Variants in GRAMD1B observed in about 807,000 individuals in gnomAD.
GRAMD1B encodes GRAM domain containing 1B.
In GRAMD1B, 37 loss-of-function variants were observed where a neutral mutation model predicts 99.7. The ratio of observed to expected loss-of-function variants is 0.37; its 90% CI spans 0.29 to 0.49. The LOEUF (loss-of-function observed/expected upper bound fraction) is 0.49, where lower values mean the gene tolerates loss of function less well. Among genes scored for constraint, GRAMD1B ranks in the 20% least tolerant of loss-of-function variants. The pLI is 0.98. For missense variants in GRAMD1B, 888 were observed against 1,009.2 expected (o/e 0.88, Z 1.63); for synonymous variants, 427 against 387.6 (o/e 1.10, Z -1.19).
At chr11:123,590,910 G>C (rs77143412) in intron 4 of GRAMD1B, among the ~76,000 whole-genome samples, 1 of 152,188 alleles carries the variant, frequency 6.6e-6, no homozygotes, top group Non-Finnish European at 1.5e-5. Context: ...GACTGGCGGG[G>C]TTAGACCCTG....
chr11:123,421,921 A>T (rs369698489), intron 1 of GRAMD1B, among the ~76,000 whole-genome samples: 2 of 152,376 alleles, frequency 1.3e-5, no homozygotes, highest in South Asian at 4.1e-4. Flanking sequence ...TTTGAATTAT[A>T]TGAAGGATCA....
intron 1 of GRAMD1B, among the ~76,000 whole-genome samples, chr11:123,463,011 T>C (rs995489272): frequency 2.6e-5 from 4 of 151,866 alleles, no homozygotes; most frequent in Non-Finnish European, 4.4e-5. Flanking sequence ...TTTATTTATA[T>C]TTATTTATTT....
At chr11:123,614,610 G>A (rs370000700) in intron 16 of GRAMD1B, 135 bp from the exon 17 acceptor site, 46 of 578,526 alleles carry the variant, frequency 8.0e-5, no homozygotes, top group South Asian at 2.1e-4. Context: ...GGCAGTCTCC[G>A]CATATCGTTG....
At chr11:123,488,563 C>G (rs1021156879) in intron 2 of GRAMD1B, among the ~76,000 whole-genome samples, 25 of 152,184 alleles carry the variant, frequency 1.6e-4, no homozygotes, top group Admixed American at 5.9e-4. Context: ...CATCAGGCAT[C>G]AAGAACAAGG....
intron 2 of GRAMD1B, among the ~76,000 whole-genome samples, chr11:123,500,583 CAG>C (rs983454076): frequency 6.6e-6 from 1 of 152,100 alleles, no homozygotes; most frequent in African/African-American, 2.4e-5. Flanking sequence ...CAAGAAAATG[CAG>C]AGTGTCTGTG....
In GRAMD1B at chr11:123,614,609, C is replaced by T. The variant is rs992787350; in HGVS notation, c.2228-136C>T. 112 of 582,484 alleles carry T rather than the reference C, an allele frequency of 1.9e-4. 1 individual carries two copies. The highest frequency in any genetic ancestry group is 2.1e-4 in the South Asian group (9 of 43,272). 36.1% of individuals were successfully genotyped at this position (582,484 alleles called of 1,614,324 possible). On this transcript the variant is annotated intron_variant, in intron 16 of 19. Coordinates refer to ENST00000635736, the MANE Select transcript of GRAMD1B (RefSeq NM_001387025.1). ...CTCCTCTTGGAGAGCTGGCAGTCTC[C>T]GCATATCGTTGCTGTCACAGTGTCA... is the stretch of plus-strand genomic sequence containing the variant.
At chr11:123,494,500 C>T (rs1203659525) in intron 2 of GRAMD1B, among the ~76,000 whole-genome samples, 2 of 151,346 alleles carry the variant, frequency 1.3e-5, no homozygotes, top group Non-Finnish European at 2.9e-5. Context: ...TCCTGTCTTG[C>T]TCCTGCTTCC....
intron 8 of GRAMD1B, among the ~76,000 whole-genome samples, chr11:123,601,304 AG>A (rs1222819660): frequency 2.0e-5 from 3 of 152,086 alleles, no homozygotes; most frequent in African/African-American, 7.2e-5. Context: ...GAAGAGACAC[AG>A]ATGAAGCCAC....
At chr11:123,368,249 A>C (rs1241208161) in intron 1 of GRAMD1B, among the ~76,000 whole-genome samples, 1 of 138,462 alleles carries the variant, frequency 7.2e-6, no homozygotes, top group Non-Finnish European at 1.5e-5. Flanking sequence ...GCGAAACTAC[A>C]TCTTAAAACA....
Position 123,492,858 on chromosome 11 carries a change from T to TCACACA in GRAMD1B, c.452+11966_452+11971dup, listed in dbSNP as rs763283753. On this transcript the variant is annotated intron_variant, in intron 2 of 19. Coordinates refer to ENST00000635736, the MANE Select transcript of GRAMD1B (RefSeq NM_001387025.1). The surrounding 1 kb of genome is among the most constrained non-coding windows in gnomAD (Gnocchi z 4.2). ...CTCTCTCTCTCTCTGTCTCTCTCTT[T>TCACACA]CACACATACACACACACACACACAC... Among the ~76,000 whole-genome samples the TCACACA allele has an allele frequency of 0.16, 20,657 of 131,578 alleles. 1,536 individuals are homozygous for TCACACA. Among genetic ancestry groups the TCACACA allele is most frequent in the Middle Eastern group, 0.19 (48 of 258 alleles). 86.3% of individuals were successfully genotyped at this position (131,578 alleles called of 152,430 possible).
intron 2 of GRAMD1B, among the ~76,000 whole-genome samples, chr11:123,527,881 CA>C (rs1295070336): frequency 6.6e-6 from 1 of 152,182 alleles, no homozygotes; most frequent in East Asian, 1.9e-4. Context: ...CAGGGATGTG[CA>C]GAGATGTTTG....
intron 2 of GRAMD1B, among the ~76,000 whole-genome samples, chr11:123,495,358 A>G (rs1939121930): frequency 6.6e-6 from 1 of 152,220 alleles, no homozygotes; most frequent in Non-Finnish European, 1.5e-5. Context: ...GGGATGTAAT[A>G]GTCACAGCAT....
chr11:123,597,852 G>C (rs1268427014), intron 7 of GRAMD1B: 1 of 720,922 alleles, frequency 1.4e-6, no homozygotes, highest in East Asian at 2.5e-5. Context: ...AGTAGCAAAA[G>C]GTCTTTAAGA....
At position 123,608,711 on chromosome 11, in the gene GRAMD1B, A is replaced by G; in HGVS notation, c.1566A>G (p.Glu522=). Residue 522 remains glutamate (E), a synonymous_variant, in exon 12 of 20, where the codon GAA becomes GAG. Transcript: ENST00000635736. The part of the protein sequence containing the change: ...EDLSGRQYVN[E]VFNFSVDKLY... ...TGAGTGGCCGGCAGTACGTGAATGA[A>G]GTCTTCAACTTCAGCGTGGACAAGC... is the stretch of plus-strand genomic sequence containing the variant. The G allele has an allele frequency of 6.4e-7, 1 of 1,562,016 alleles. No homozygotes were observed. Among genetic ancestry groups the G allele is most frequent in the Non-Finnish European group, 8.7e-7 (1 of 1,152,118 alleles).
chr11:123,464,761 T>A (rs896876250), intron 1 of GRAMD1B, among the ~76,000 whole-genome samples: 1 of 152,152 alleles, frequency 6.6e-6, no homozygotes, highest in East Asian at 1.9e-4. Flanking sequence ...AGAGGATGGA[T>A]ATAAAAGATG....
intron 1 of GRAMD1B, among the ~76,000 whole-genome samples, chr11:123,395,026 T>G (rs1304628866): frequency 1.3e-5 from 2 of 152,226 alleles, no homozygotes; most frequent in Admixed American, 1.3e-4. Flanking sequence ...AATACTGTTA[T>G]GATTAAATTT....
At chr11:123,604,272 C>T (rs967946147) in intron 9 of GRAMD1B, among the ~76,000 whole-genome samples, 3 of 152,146 alleles carry the variant, frequency 2.0e-5, no homozygotes, top group South Asian at 2.1e-4. Flanking sequence ...TCAAGTGACT[C>T]GGTGAACCTA....
At position 123,456,910 on chromosome 11, in the gene GRAMD1B, ACT is replaced by A. The variant is rs1338459321; in HGVS notation, c.375-23903_375-23902del. Among the ~76,000 whole-genome samples, 5 of 128,076 alleles carry A rather than the reference ACT, an allele frequency of 3.9e-5. No homozygotes were observed. In the South Asian group the frequency reaches 7.6e-4, roughly 20 times the overall value. The allele number at this position is 128,076 out of a possible 152,430, so 84.0% of individuals were successfully genotyped here. The stretch of plus-strand genomic sequence containing the variant: ...ACTCCAGCCTGGGCGACAGAGGGAG[ACT>A]CTGTCTCAAAAAAAAAAAAAAAAAA... On this transcript the variant is annotated intron_variant, in intron 1 of 19. Transcript: ENST00000635736.
chr11:123,590,330 T>C (rs1374802784), intron 4 of GRAMD1B, among the ~76,000 whole-genome samples: 1 of 152,152 alleles, frequency 6.6e-6, no homozygotes. Flanking sequence ...GTTGGTGAGG[T>C]GTGAGAGTGT....
Sources: allele counts gnomAD v4.1 joint callset (sites outside exome capture counted in the v4.1 genomes callset), GRCh38; gene constraint gnomAD v4.1.1; non-coding constraint Gnocchi (gnomAD v3.1); transcripts MANE v1.5; gene names NCBI Gene and HGNC (gene_info 2026-07-23, HGNC 2026-07-21).